Variants in MAGI1 observed in about 807,000 individuals in gnomAD.
MAGI1 encodes the protein membrane associated guanylate kinase, WW and PDZ domain containing 1, also known as membrane-associated guanylate kinase, WW and PDZ domain-containing protein 1.
In MAGI1, 58 loss-of-function variants were observed where a neutral mutation model predicts 139.9. The observed-to-expected ratio is 0.41, with a 90% CI of 0.34 to 0.52. The LOEUF (loss-of-function observed/expected upper bound fraction) is 0.52, where lower values mean the gene tolerates loss of function less well. Ranked by LOEUF, MAGI1 falls within the 20% of genes least tolerant of loss-of-function variation. The pLI, the probability that MAGI1 is intolerant of heterozygous loss-of-function variation, is 0.12. For synonymous variants in MAGI1, 812 were observed against 737.9 expected (o/e 1.10, Z -1.63); for missense variants, 1,874 against 1,901.6 (o/e 0.99, Z 0.27).
intron 12 of MAGI1, among the ~76,000 whole-genome samples, chr3:65,416,671 C>G (rs1575668117): frequency 6.6e-6 from 1 of 152,260 alleles, no homozygotes; most frequent in Middle Eastern, 3.4e-3. Flanking sequence ...AAAAGGAACA[C>G]TATTAACAAG....
intron 1 of MAGI1, among the ~76,000 whole-genome samples, chr3:65,648,526 C>T (rs1013578919): frequency 6.6e-6 from 1 of 152,114 alleles, no homozygotes; most frequent in African/African-American, 2.4e-5. Context: ...AAATTCAGTA[C>T]TTGTTTACTG....
Position 66,038,540 on chromosome 3 carries a change from T to C in MAGI1, c.-232A>G. On this transcript the variant is annotated 5_prime_UTR_variant, in exon 1 of 23. Coordinates refer to ENST00000402939, the MANE Select transcript of MAGI1 (RefSeq NM_001033057.2). ...CCCGCACAGGCGCCCGCGAGCTTTG[T>C]TTGCATTCCGGTGCCTCTGGGTCCA... The C allele has an allele frequency of 3.8e-6, 2 of 527,548 alleles. No homozygotes were observed. The highest frequency in any genetic ancestry group is 2.0e-5 in the African/African-American group (1 of 51,028). The allele number at this position is 527,548 out of a possible 1,614,324, so 32.7% of individuals were successfully genotyped here.
intron 2 of MAGI1, among the ~76,000 whole-genome samples, chr3:65,596,062 T>C (rs888514804): frequency 6.6e-6 from 1 of 152,212 alleles, no homozygotes; most frequent in African/African-American, 2.4e-5. Context: ...CGAGTTTCAG[T>C]GCAAGTTAAA....
At chr3:65,360,175 G>A (rs1054426403) in intron 22 of MAGI1, 1 of 985,102 alleles carries the variant, frequency 1.0e-6, no homozygotes, top group African/African-American at 1.7e-5. Context: ...ATCTCATCAA[G>A]TCCAAAATGC....
At chr3:65,542,480 C>T (rs1228414137) in intron 2 of MAGI1, among the ~76,000 whole-genome samples, 2 of 152,184 alleles carry the variant, frequency 1.3e-5, no homozygotes, top group Admixed American at 6.5e-5. Context: ...AAGCTGGAGG[C>T]ATGACACTAC....
chr3:65,683,422 T>C (rs1035760171), intron 1 of MAGI1, among the ~76,000 whole-genome samples: 1 of 151,840 alleles, frequency 6.6e-6, no homozygotes, highest in Non-Finnish European at 1.5e-5. Flanking sequence ...CCTCCAGACA[T>C]GTCTCTGAAT....
rs140857612 is a variant in MAGI1, at chr3:65,381,897, C to T, written c.2681G>A (p.Arg894Gln). ...AKQGHVNLTV[R>Q]RKVVFAVPKT... is the part of the protein sequence containing the mutation. ...CATACCCGCAAAAACCACTTTACGC[C>T]GCACCGTGAGATTGACGTGGCCTTG... Residue 894 changes from arginine (R) to glutamine (Q), a missense_variant, in exon 16 of 23, where the codon CGG becomes CAG. By Grantham distance (43) the Arg-to-Gln change is conservative. Transcript: ENST00000402939. 32 of 1,612,928 alleles carry T rather than the reference C, an allele frequency of 2.0e-5. No individual in the cohort carries two copies. Among genetic ancestry groups the T allele is most frequent in the South Asian group, 4.4e-5 (4 of 90,906 alleles).
At chr3:65,702,390 C>T (rs2089674963) in intron 1 of MAGI1, among the ~76,000 whole-genome samples, 1 of 152,142 alleles carries the variant, frequency 6.6e-6, no homozygotes, top group Non-Finnish European at 1.5e-5. Flanking sequence ...TGTAATTTAT[C>T]ATGGGACCAT....
intron 1 of MAGI1, among the ~76,000 whole-genome samples, chr3:66,025,787 T>A (rs1312288659): frequency 6.6e-6 from 1 of 152,118 alleles, no homozygotes; most frequent in Non-Finnish European, 1.5e-5. Context: ...TACGGGCAAT[T>A]CGGACATATT....
chr3:65,417,013 A>G (rs1356641906), intron 12 of MAGI1, among the ~76,000 whole-genome samples: 1 of 152,156 alleles, frequency 6.6e-6, no homozygotes, highest in African/African-American at 2.4e-5. Flanking sequence ...GAAATGAAGG[A>G]AGGTGGGAAC....
At chr3:65,639,154 G>C (rs1029868079) in intron 1 of MAGI1, among the ~76,000 whole-genome samples, 5 of 152,170 alleles carry the variant, frequency 3.3e-5, no homozygotes, top group Admixed American at 3.3e-4. Flanking sequence ...TTGTTCATCA[G>C]TGTATATTGG....
At chr3:65,669,189 C>G (rs896095078) in intron 1 of MAGI1, among the ~76,000 whole-genome samples, 1 of 152,044 alleles carries the variant, frequency 6.6e-6, no homozygotes, top group Non-Finnish European at 1.5e-5. Context: ...TTGCACCCAG[C>G]CTTTTTTACA....
chr3:65,656,299 T>C (rs2085871860), intron 1 of MAGI1, among the ~76,000 whole-genome samples: 1 of 152,182 alleles, frequency 6.6e-6, no homozygotes, highest in African/African-American at 2.4e-5. Context: ...TTACTGTCTC[T>C]TAAGCTGCCT....
At chr3:65,781,917 A>G (rs2038967621) in intron 1 of MAGI1, among the ~76,000 whole-genome samples, 1 of 152,204 alleles carries the variant, frequency 6.6e-6, no homozygotes, top group African/African-American at 2.4e-5. Context: ...TATAAACCTA[A>G]GATTGTTCTG....
intron 1 of MAGI1, among the ~76,000 whole-genome samples, chr3:65,989,256 G>T (rs1258807880): frequency 6.6e-6 from 1 of 152,188 alleles, no homozygotes; most frequent in Non-Finnish European, 1.5e-5. Context: ...GAGTGAAGAT[G>T]GGAAGGATAT....
chr3:65,910,670 G>C (rs2061622167), intron 1 of MAGI1, among the ~76,000 whole-genome samples: 1 of 151,770 alleles, frequency 6.6e-6, no homozygotes, highest in African/African-American at 2.4e-5. Context: ...TTAGAAACGA[G>C]TGCCCCCAAC....
At chr3:65,578,135 C>G (rs2081258273) in intron 2 of MAGI1, among the ~76,000 whole-genome samples, 1 of 152,188 alleles carries the variant, frequency 6.6e-6, no homozygotes, top group African/African-American at 2.4e-5. Context: ...CCTCCAGCCG[C>G]CAAGACAAAG....
At chr3:65,917,370 C>T (rs1245434590) in intron 1 of MAGI1, among the ~76,000 whole-genome samples, 1 of 152,174 alleles carries the variant, frequency 6.6e-6, no homozygotes, top group East Asian at 1.9e-4. Context: ...ATTATATTGC[C>T]ACTTTGGAAG....
At chr3:65,932,124 A>C (rs2062832052) in intron 1 of MAGI1, among the ~76,000 whole-genome samples, 1 of 152,180 alleles carries the variant, frequency 6.6e-6, no homozygotes, top group Non-Finnish European at 1.5e-5. Flanking sequence ...ATACTTCACT[A>C]AACTGTTTTA....
Sources: gnomAD v4.1 joint callset for allele counts (sites outside exome capture counted in the v4.1 genomes callset) on GRCh38, gnomAD v4.1.1 for gene constraint, MANE v1.5 for transcripts, NCBI Gene and HGNC (gene_info 2026-07-23, HGNC 2026-07-21) for gene names.